PRKCB: variants seen among roughly 807,000 people sequenced by gnomAD.
PRKCB encodes protein kinase C beta, also known as protein kinase C beta type.
Under a neutral mutation model 81.5 loss-of-function variants are expected in PRKCB, and 13 were observed. The ratio of observed to expected loss-of-function variants is 0.16; its 90% CI spans 0.10 to 0.25. PRKCB has a LOEUF of 0.25. Among genes scored for constraint, PRKCB ranks in the 10% least tolerant of loss-of-function variants. PRKCB has a pLI of 1.00. For missense variants in PRKCB, 509 were observed against 875.7 expected (o/e 0.58, Z 5.29); for synonymous variants, 335 against 321.4 (o/e 1.04, Z -0.45).
intron 2 of PRKCB, among the ~76,000 whole-genome samples, chr16:23,907,720 G>A (rs1963582161): frequency 6.6e-6 from 1 of 152,156 alleles, no homozygotes; most frequent in Admixed American, 6.5e-5. Context: ...ATGAGTGTGG[G>A]GTCTGTGGGG....
intron 9 of PRKCB, among the ~76,000 whole-genome samples, chr16:24,137,900 C>A (rs1966870441): frequency 6.6e-6 from 1 of 152,194 alleles, no homozygotes; most frequent in Non-Finnish European, 1.5e-5. Context: ...CCCCACCCCA[C>A]AGTTTCACCT....
At chr16:24,085,943 G>A (rs941683282) in intron 5 of PRKCB, among the ~76,000 whole-genome samples, 23 of 152,176 alleles carry the variant, frequency 1.5e-4, no homozygotes, top group Non-Finnish European at 2.9e-4. Flanking sequence ...TGCCAGCAAT[G>A]ATGGGAAGCC....
At chr16:24,055,712 A>G (rs1965895491) in intron 5 of PRKCB, among the ~76,000 whole-genome samples, 1 of 152,250 alleles carries the variant, frequency 6.6e-6, no homozygotes, top group African/African-American at 2.4e-5. Flanking sequence ...GTGGAGAAGG[A>G]CAAGTAGGCA....
intron 2 of PRKCB, among the ~76,000 whole-genome samples, chr16:23,926,279 C>G (rs1189205147): frequency 6.6e-6 from 1 of 150,728 alleles, no homozygotes; most frequent in Non-Finnish European, 1.5e-5. Context: ...TTAGTCAGGA[C>G]TTCAAGACCA....
intron 2 of PRKCB, among the ~76,000 whole-genome samples, chr16:23,933,662 A>ATCCG (rs1964009886): frequency 6.7e-6 from 1 of 148,828 alleles, no homozygotes; most frequent in Non-Finnish European, 1.5e-5. Context: ...CCATCCATCC[A>ATCCG]TCCATCCATC....
At chr16:24,060,852 T>C (rs533145158) in intron 5 of PRKCB, among the ~76,000 whole-genome samples, 1 of 152,352 alleles carries the variant, frequency 6.6e-6, no homozygotes, top group East Asian at 1.9e-4. Context: ...CCCCATTCCT[T>C]GCAGGAGTTC....
intron 2 of PRKCB, among the ~76,000 whole-genome samples, chr16:23,966,118 G>A (rs1001148402): frequency 3.3e-5 from 5 of 152,194 alleles, no homozygotes; most frequent in South Asian, 2.1e-4. Context: ...CTCATGGAAC[G>A]TCTGCGCAAA....
rs1965465659 is a variant in PRKCB at position 24,025,437 on chromosome 16, A to G, written c.289-6699A>G. On this transcript the variant is annotated intron_variant, in intron 3 of 16. Transcript: ENST00000643927. ...TGAATCCCTTAAAATAGTCCCTGGC[A>G]TGAATAAATGTTCCATAAATGTTAA... Among the ~76,000 whole-genome samples, 3 of 152,244 alleles carry G rather than the reference A, an allele frequency of 2.0e-5. No homozygotes were observed. In the South Asian group the frequency reaches 6.2e-4, roughly 31 times the overall value.
chr16:24,144,445 T>C lies in PRKCB; in HGVS notation c.1066-10239T>C, dbSNP rs138005716. 4.7e-3 allele frequency among the ~76,000 whole-genome samples: 712 copies of C among 152,230 alleles called. 7 individuals are homozygous for C. Among genetic ancestry groups the C allele is most frequent in the South Asian group, 0.021 (102 of 4,816 alleles). On this transcript the variant is annotated intron_variant, in intron 9 of 16. Transcript: ENST00000643927. Reference sequence around the variant, plus strand: ...TCCCAAGTAACTGGGATTACAGGCGTGTGCTATCATGCCCAGCTAATTCTT... The same window carrying C: ...TCCCAAGTAACTGGGATTACAGGCGCGTGCTATCATGCCCAGCTAATTCTT...
At chr16:23,836,792 CCTT>C (rs1207347975) in intron 1 of PRKCB, among the ~76,000 whole-genome samples, 1 of 145,218 alleles carries the variant, frequency 6.9e-6, no homozygotes, top group Non-Finnish European at 1.5e-5. Context: ...CCCTGGGTGT[CCTT>C]CTCTATCTCC....
chr16:23,914,309 A>C (rs115168983), intron 2 of PRKCB, among the ~76,000 whole-genome samples: 2 of 152,194 alleles, frequency 1.3e-5, no homozygotes, highest in African/African-American at 4.8e-5. Context: ...TTTAAGCCTC[A>C]GTTACTTAAT....
At chr16:24,052,536 A>G (rs1248392533) in intron 5 of PRKCB, among the ~76,000 whole-genome samples, 3 of 152,210 alleles carry the variant, frequency 2.0e-5, no homozygotes, top group Non-Finnish European at 4.4e-5. Context: ...ATGCTAAAAA[A>G]GGGGTGGATT....
chr16:23,950,132 AT>A (rs34117735), intron 2 of PRKCB, among the ~76,000 whole-genome samples: 2,201 of 97,464 alleles, frequency 0.023, 367 homozygotes, highest in African/African-American at 0.038. Flanking sequence ...TATGATTTGA[AT>A]TTTTTTTTTT....
At position 24,003,386 on chromosome 16, in the gene PRKCB, G is replaced by GTT. The variant is rs35881842; in HGVS notation, c.288+14811_288+14812dup. Among the ~76,000 whole-genome samples, 431 of 130,850 alleles carry GTT rather than the reference G, an allele frequency of 3.3e-3. 1 individual carries two copies. The highest frequency in any genetic ancestry group is 0.012 in the African/African-American group (406 of 34,262). The allele number at this position is 130,850 out of a possible 152,430, so 85.8% of individuals were successfully genotyped here. A position where few individuals can be genotyped will look rare whatever the true frequency, so the allele number is the denominator to read the frequency against. Reference sequence around the variant, plus strand: ...AGGAATTAGCCTTCTTCCTGCATTCGTTTTTTTTTTTTTTTTGAGACAAAG... The same window carrying GTT: ...AGGAATTAGCCTTCTTCCTGCATTCGTTTTTTTTTTTTTTTTTTGAGACAAAG... On this transcript the variant is annotated intron_variant, in intron 3 of 16. Transcript: ENST00000643927.
chr16:24,020,986 T>TTC (rs1427018044), intron 3 of PRKCB, among the ~76,000 whole-genome samples: 2 of 121,620 alleles, frequency 1.6e-5, no homozygotes, highest in African/African-American at 6.6e-5. Context: ...TTTTCTTTCT[T>TTC]TCTTTCTTTC....
chr16:24,177,861 C>G (rs987353868), intron 12 of PRKCB, among the ~76,000 whole-genome samples: 7 of 152,026 alleles, frequency 4.6e-5, no homozygotes, highest in African/African-American at 1.4e-4. Flanking sequence ...TATGAGCTCC[C>G]CAATATCCTT....
intron 15 of PRKCB, among the ~76,000 whole-genome samples, chr16:24,189,956 T>G (rs973436473): frequency 2.6e-5 from 4 of 152,288 alleles, no homozygotes; most frequent in Non-Finnish European, 5.9e-5. Context: ...CACCAACTCT[T>G]CTGTCTTTAC....
At chr16:24,054,009 A>G (rs906151992) in intron 5 of PRKCB, among the ~76,000 whole-genome samples, 1 of 152,186 alleles carries the variant, frequency 6.6e-6, no homozygotes, top group African/African-American at 2.4e-5. Context: ...TTCTCACTGT[A>G]TCACTCAGGC....
intron 2 of PRKCB, among the ~76,000 whole-genome samples, chr16:23,875,930 A>C (rs1487906577): frequency 6.6e-6 from 1 of 152,204 alleles, no homozygotes; most frequent in African/African-American, 2.4e-5. Context: ...CCTTCATGGC[A>C]CCAGGGCTAG....
Sources: gnomAD v4.1 joint callset for allele counts (sites outside exome capture counted in the v4.1 genomes callset) on GRCh38, gnomAD v4.1.1 for gene constraint, MANE v1.5 for transcripts, NCBI Gene and HGNC (gene_info 2026-07-23, HGNC 2026-07-21) for gene names.